The following RSPO3 variants were observed in gnomAD, a reference collection of about 807,000 sequenced individuals.
RSPO3 encodes the protein R-spondin-3.
A neutral mutation model predicts 36.5 loss-of-function variants in RSPO3; 17 were observed. The observed-to-expected ratio is 0.47, with a 90% CI of 0.32 to 0.70. RSPO3 has a LOEUF of 0.70. Ranked by LOEUF, RSPO3 falls within the 30% of genes least tolerant of loss-of-function variation. RSPO3 has a pLI of 0.04. For synonymous variants in RSPO3, 108 were observed against 107.0 expected, an observed-to-expected ratio of 1.01 and a Z score of -0.06; for missense variants, 294 against 322.5, an observed-to-expected ratio of 0.91 and a Z score of 0.68.
intron 1 of RSPO3, among the ~76,000 whole-genome samples, chr6:127,130,625 CAAT>C (rs1724989088): frequency 6.6e-6 from 1 of 152,010 alleles, no homozygotes; most frequent in African/African-American, 2.4e-5. Context: ...CTTAAATTGA[CAAT>C]AAGATAACCA....
intron 4 of RSPO3, among the ~76,000 whole-genome samples, chr6:127,189,705 A>C (rs991307736): frequency 6.6e-6 from 1 of 152,200 alleles, no homozygotes; most frequent in African/African-American, 2.4e-5. Context: ...TAATATCCCA[A>C]ATTAATAGCA....
intron 1 of RSPO3, among the ~76,000 whole-genome samples, chr6:127,137,258 G>C (rs932558384): frequency 6.6e-6 from 1 of 152,100 alleles, no homozygotes; most frequent in Non-Finnish European, 1.5e-5. Context: ...AGCCATGTTG[G>C]TGTGAACCTG....
chr6:127,128,757 T>C (rs1294674406), intron 1 of RSPO3, among the ~76,000 whole-genome samples: 1 of 152,106 alleles, frequency 6.6e-6, no homozygotes. Context: ...GACTGTCTGA[T>C]AGAGAATTAT....
intron 4 of RSPO3, among the ~76,000 whole-genome samples, chr6:127,180,487 CAAAAAAAAAAAAAAA>C (rs71543112): frequency 1.6e-4 from 7 of 42,616 alleles, no homozygotes; most frequent in Admixed American, 7.3e-4. Flanking sequence ...TGGAAGAAAA[CAAAAAAAAAAAAAAA>C]AAAAAAAAAA....
chr6:127,162,160 T>C (rs931087646), intron 4 of RSPO3, among the ~76,000 whole-genome samples: 2 of 152,086 alleles, frequency 1.3e-5, no homozygotes, highest in African/African-American at 4.8e-5. Flanking sequence ...CCTGGCATAG[T>C]TTTTACTTCC....
At chr6:127,170,523 C>T (rs1167350848) in intron 4 of RSPO3, among the ~76,000 whole-genome samples, 10 of 151,190 alleles carry the variant, frequency 6.6e-5, no homozygotes, top group African/African-American at 2.4e-4. Flanking sequence ...TTCATTTGAG[C>T]GTATACCCAA....
chr6:127,129,580 T>C (rs1220308956), intron 1 of RSPO3, among the ~76,000 whole-genome samples: 1 of 152,078 alleles, frequency 6.6e-6, no homozygotes, highest in South Asian at 2.1e-4. Context: ...TAATTGTCCC[T>C]AAGGATGGAG....
intron 4 of RSPO3, among the ~76,000 whole-genome samples, chr6:127,175,081 C>T (rs9491706): frequency 5.9e-5 from 9 of 151,578 alleles, no homozygotes; most frequent in African/African-American, 1.9e-4. Context: ...AATGCAAAAA[C>T]GTGATTTTCC....
At chr6:127,149,548 G>A (rs1240387534) in intron 2 of RSPO3, among the ~76,000 whole-genome samples, 1 of 151,920 alleles carries the variant, frequency 6.6e-6, no homozygotes, top group Non-Finnish European at 1.5e-5. Context: ...TGATGATTTT[G>A]CTCATATGTC....
intron 4 of RSPO3, among the ~76,000 whole-genome samples, chr6:127,155,950 T>C (rs1228009247): frequency 3.3e-5 from 5 of 151,990 alleles, no homozygotes; most frequent in Non-Finnish European, 7.4e-5. Flanking sequence ...TCATCCAGGC[T>C]GTATTGTAGT....
chr6:127,163,376 T>C (rs940119252), intron 4 of RSPO3, among the ~76,000 whole-genome samples: 3 of 152,114 alleles, frequency 2.0e-5, no homozygotes, highest in Admixed American at 2.0e-4. Context: ...TTGCTTTTTA[T>C]ATCCTCCAGC....
At position 127,196,936 on chromosome 6, in the gene RSPO3, C is replaced by G. The variant is rs1775526042; in HGVS notation, c.*929C>G. 1 of 152,518 alleles carries G rather than the reference C, an allele frequency of 6.6e-6. No individual in the cohort carries two copies. Among genetic ancestry groups the G allele is most frequent in the Non-Finnish European group, 1.5e-5 (1 of 68,138 alleles). The allele number at this position is 152,518 out of a possible 1,614,324, so 9.4% of individuals were successfully genotyped here. A position where few individuals can be genotyped will look rare whatever the true frequency, so the allele number is the denominator to read the frequency against. ...GAGGGAAAAACAATTTTATTACCTG[C>G]TTAATGGTCCACCTGGAACTAAAAG... On this transcript the variant is annotated 3_prime_UTR_variant, in exon 5 of 5. Coordinates refer to ENST00000356698, the MANE Select transcript of RSPO3 (RefSeq NM_032784.5).
chr6:127,121,719 C>T (rs1323500874), intron 1 of RSPO3, among the ~76,000 whole-genome samples: 1 of 152,138 alleles, frequency 6.6e-6, no homozygotes, highest in African/African-American at 2.4e-5. Flanking sequence ...CTCAGATATA[C>T]CGTTTGTTTT....
rs115781992 is a variant in RSPO3, at chr6:127,150,423, C to T, written c.290-3C>T. 518 of 1,607,290 alleles carry T rather than the reference C, an allele frequency of 3.2e-4. No homozygotes were observed. The African/African-American group carries it at 5.1e-3, about 16-fold the overall frequency. Reference sequence around the variant, plus strand: ...GCATATTTCTTTCTTTTTTCTCTTTCAGAATGCAAAGCTGACTGTGATACC... The same window carrying T: ...GCATATTTCTTTCTTTTTTCTCTTTTAGAATGCAAAGCTGACTGTGATACC... On this transcript the variant is annotated splice_region_variant and splice_polypyrimidine_tract_variant and intron_variant, in intron 2 of 4. Transcript: ENST00000356698.
chr6:127,119,287 G>C lies in RSPO3; in HGVS notation c.95G>C (p.Arg32Thr). The C allele has an allele frequency of 6.2e-7, 1 of 1,611,160 alleles. No individual in the cohort carries two copies. The change falls in exon 1 of 5, where the codon AGA (arginine) becomes ACA (threonine). Residue 32 changes from arginine (R) to threonine (T), a missense_variant and splice_region_variant. By Grantham distance (71) the Arg-to-Thr change is moderately conservative (BLOSUM62 -1). Around this residue, in one of 3 missense-constraint regions of RSPO3, gnomAD observed 61 missense variants for 51.3 expected, o/e 1.19. Coordinates refer to ENST00000356698, the MANE Select transcript of RSPO3 (RefSeq NM_032784.5). ...GCCTCCCGGGGAAGGCGCCAGCGAA[G>C]AAGTAAGTGCAGGGTTTTTTACGCG... Reference protein sequence around the residue: ...QNASRGRRQRRMHPNVSQGCQ... With the variant: ...QNASRGRRQRTMHPNVSQGCQ...
At chr6:127,193,552 C>T (rs1419448126) in intron 4 of RSPO3, among the ~76,000 whole-genome samples, 1 of 152,124 alleles carries the variant, frequency 6.6e-6, no homozygotes, top group Non-Finnish European at 1.5e-5. Context: ...TCGAGTTGAA[C>T]TCAAACACCT....
chr6:127,194,248 G>A lies in RSPO3; in HGVS notation c.635-1575G>A, dbSNP rs144529328. ...ATTCAATATTTGCAGCCTACTTCAG[G>A]ACATGAAAATATTTTGGTTCTCTCA... On this transcript the variant is annotated intron_variant, in intron 4 of 4. Transcript: ENST00000356698. 2.0e-4 allele frequency among the ~76,000 whole-genome samples: 31 copies of A among 152,216 alleles called. 1 individual carries two copies. In the East Asian group the frequency reaches 5.0e-3, roughly 25 times the overall value.
chr6:127,161,693 T>C (rs1774713879), intron 4 of RSPO3, among the ~76,000 whole-genome samples: 1 of 152,172 alleles, frequency 6.6e-6, no homozygotes, highest in Non-Finnish European at 1.5e-5. Context: ...AACTTTGTAA[T>C]AAATGACCCT....
In RSPO3 at chr6:127,119,309, C is replaced by A. The variant is rs1562237339; in HGVS notation, c.97+20C>A. 4 of 1,580,834 alleles carry A rather than the reference C, an allele frequency of 2.5e-6. No individual in the cohort carries two copies. The highest frequency in any genetic ancestry group is 3.4e-5 in the Admixed American group (2 of 59,368). On this transcript the variant is annotated intron_variant, in intron 1 of 4. Coordinates refer to ENST00000356698, the MANE Select transcript of RSPO3 (RefSeq NM_032784.5). ...GAAGAAGTAAGTGCAGGGTTTTTTA[C>A]GCGTTTGCTCCCTCCCGCCGCGTTC...
Sources: allele counts gnomAD v4.1 joint callset (sites outside exome capture counted in the v4.1 genomes callset), GRCh38; gene constraint gnomAD v4.1.1; regional missense constraint gnomAD v4.1.1; transcripts MANE v1.5; gene names NCBI Gene and HGNC (gene_info 2026-07-23, HGNC 2026-07-21).